Variants in ERBB4 observed in about 807,000 individuals in gnomAD.
ERBB4 encodes the protein receptor tyrosine-protein kinase erbB-4.
Under a neutral mutation model 158.0 loss-of-function variants are expected in ERBB4, and 42 were observed. The observed-to-expected ratio is 0.27, with a 90% CI of 0.21 to 0.34. The LOEUF is 0.34. Ranked by LOEUF, ERBB4 falls within the 10% of genes least tolerant of loss-of-function variation. The pLI is 1.00. For missense variants in ERBB4, 1,333 were observed against 1,624.1 expected (o/e 0.82, Z 3.08); for synonymous variants, 583 against 558.7 (o/e 1.04, Z -0.61).
chr2:211,908,628 G>T (rs1252542503), intron 3 of ERBB4, among the ~76,000 whole-genome samples: 1 of 151,706 alleles, frequency 6.6e-6, no homozygotes, highest in African/African-American at 2.4e-5. Context: ...TCTCAGATTT[G>T]CCCAGCATTT....
chr2:212,012,590 C>G (rs1258615254), intron 2 of ERBB4, among the ~76,000 whole-genome samples: 1 of 151,756 alleles, frequency 6.6e-6, no homozygotes, highest in Non-Finnish European at 1.5e-5. Flanking sequence ...AATTTTTGCA[C>G]TTTTAGCAGA....
At chr2:211,773,984 G>A (rs751269040) in intron 4 of ERBB4, among the ~76,000 whole-genome samples, 75 of 151,912 alleles carry the variant, frequency 4.9e-4, no homozygotes, top group Admixed American at 1.3e-3. Flanking sequence ...AACTTATTCC[G>A]TTGATCAAAT....
chr2:212,242,100 A>G (rs1229722764), intron 1 of ERBB4, among the ~76,000 whole-genome samples: 2 of 151,948 alleles, frequency 1.3e-5, no homozygotes, highest in African/African-American at 4.8e-5. Context: ...AGTTAAACAA[A>G]CCTCAATCTC....
intron 3 of ERBB4, among the ~76,000 whole-genome samples, chr2:211,886,614 G>C (rs1412225264): frequency 6.6e-6 from 1 of 152,172 alleles, no homozygotes; most frequent in Non-Finnish European, 1.5e-5. Flanking sequence ...AACGAAAATA[G>C]AAGGTATCTT....
At chr2:211,611,157 T>A (rs1003078982) in intron 19 of ERBB4, among the ~76,000 whole-genome samples, 5 of 152,110 alleles carry the variant, frequency 3.3e-5, no homozygotes, top group African/African-American at 1.2e-4. Flanking sequence ...TAAGGGGACT[T>A]TCCCCTAAGC....
At chr2:211,648,159 C>T (rs1402439052) in intron 16 of ERBB4, among the ~76,000 whole-genome samples, 2 of 151,750 alleles carry the variant, frequency 1.3e-5, no homozygotes, top group Non-Finnish European at 3.0e-5. Context: ...ATTTGTTATA[C>T]CTTAACAGAA....
At chr2:212,256,204 T>A (rs1036255855) in intron 1 of ERBB4, among the ~76,000 whole-genome samples, 7 of 152,108 alleles carry the variant, frequency 4.6e-5, no homozygotes, top group African/African-American at 1.7e-4. Context: ...CATATATTTC[T>A]CATCTGATTC....
intron 1 of ERBB4, among the ~76,000 whole-genome samples, chr2:212,524,900 T>C (rs1402840954): frequency 3.3e-5 from 5 of 152,178 alleles, no homozygotes; most frequent in Non-Finnish European, 7.4e-5. Flanking sequence ...CAAAGGCACA[T>C]TAGAATGGAT....
At position 211,888,837 on chromosome 2, in the gene ERBB4, A is replaced by C. The variant is rs577395153; in HGVS notation, c.421+58593T>G. On this transcript the variant is annotated intron_variant, in intron 3 of 27. Coordinates refer to ENST00000342788, the MANE Select transcript of ERBB4 (RefSeq NM_005235.3). ...CTCCCACCCGAATATTGCGCTTTTCAGACCGGCTTAAAAAACGGCGAACCA... is the reference window on the plus strand; with the variant it reads ...CTCCCACCCGAATATTGCGCTTTTCCGACCGGCTTAAAAAACGGCGAACCA... Among the ~76,000 whole-genome samples, 505 of 151,806 alleles carry C rather than the reference A, an allele frequency of 3.3e-3. 5 individuals carry two copies. Among genetic ancestry groups the C allele is most frequent in the African/African-American group, 0.011 (462 of 41,192 alleles).
chr2:212,204,525 C>A (rs534008900), intron 1 of ERBB4, among the ~76,000 whole-genome samples: 1 of 151,970 alleles, frequency 6.6e-6, no homozygotes, highest in African/African-American at 2.4e-5. Context: ...TGGTGGAACC[C>A]CATCTCTACT....
chr2:212,310,235 A>C (rs923271973), intron 1 of ERBB4, among the ~76,000 whole-genome samples: 2 of 150,684 alleles, frequency 1.3e-5, no homozygotes, highest in Non-Finnish European at 3.0e-5. Context: ...AATATCTTTC[A>C]ATTTGCATTT....
intron 1 of ERBB4, among the ~76,000 whole-genome samples, chr2:212,383,548 G>A (rs2090579436): frequency 6.6e-6 from 1 of 151,430 alleles, no homozygotes; most frequent in Non-Finnish European, 1.5e-5. Context: ...ATATTGTGGT[G>A]GATACAAATA....
chr2:212,322,096 T>C (rs907869068), intron 1 of ERBB4, among the ~76,000 whole-genome samples: 2 of 150,470 alleles, frequency 1.3e-5, no homozygotes, highest in African/African-American at 4.8e-5. Flanking sequence ...CTCTGAACTT[T>C]GAAAATTGAG....
intron 20 of ERBB4, among the ~76,000 whole-genome samples, chr2:211,438,366 A>C: frequency 6.6e-6 from 1 of 152,318 alleles, no homozygotes; most frequent in African/African-American, 2.4e-5. Context: ...TGTTTTAGTA[A>C]AAATCATCTT....
At chr2:211,713,746 T>A (rs1434420906) in intron 7 of ERBB4, 98 bp from the exon 8 acceptor site, 3 of 729,128 alleles carry the variant, frequency 4.1e-6, no homozygotes, top group Non-Finnish European at 4.8e-6. Context: ...ATGATTAGCA[T>A]CATTGATAGT....
intron 1 of ERBB4, among the ~76,000 whole-genome samples, chr2:212,327,070 T>A (rs1391000300): frequency 6.6e-6 from 1 of 150,694 alleles, no homozygotes; most frequent in Admixed American, 6.6e-5. Flanking sequence ...GTTTCTCATT[T>A]GTAAATACTG....
intron 1 of ERBB4, among the ~76,000 whole-genome samples, chr2:212,511,160 G>A (rs1691496909): frequency 6.6e-6 from 1 of 152,122 alleles, no homozygotes. Context: ...TAGATGTATA[G>A]AAGAATTAAA....
chr2:212,526,692 C>G (rs569654946), intron 1 of ERBB4, among the ~76,000 whole-genome samples: 1 of 152,114 alleles, frequency 6.6e-6, no homozygotes, highest in South Asian at 2.1e-4. Flanking sequence ...TCTACACTCT[C>G]TATTATTTTA....
At chr2:211,846,674 A>G (rs1340393688) in intron 3 of ERBB4, among the ~76,000 whole-genome samples, 2 of 152,092 alleles carry the variant, frequency 1.3e-5, no homozygotes, top group Non-Finnish European at 2.9e-5. Flanking sequence ...TTAAATGTCA[A>G]ATGTATATCC....
Sources: gnomAD v4.1 joint callset for allele counts (sites outside exome capture counted in the v4.1 genomes callset) on GRCh38, gnomAD v4.1.1 for gene constraint, MANE v1.5 for transcripts, NCBI Gene and HGNC (gene_info 2026-07-23, HGNC 2026-07-21) for gene names.